AK6: variants seen among roughly 807,000 people sequenced by gnomAD.
AK6 encodes adenylate kinase 6.
AK6 carries 24 observed loss-of-function variants against 23.7 expected under a neutral mutation model. That is an observed-to-expected ratio of 1.01 (90% CI 0.73 to 1.43). The LOEUF is 1.43. Ranked by LOEUF, AK6 falls within the 40% of genes most tolerant of loss-of-function variation. The pLI is 0.00. For missense variants in AK6, 191 were observed against 199.1 expected (o/e 0.96, Z 0.24); for synonymous variants, 73 against 69.8 (o/e 1.05, Z -0.23).
At chr5:69,369,341 C>G (rs977834222) in intron 1 of AK6, 122 bp downstream of exon 1, 119 of 1,106,066 alleles carry the variant, frequency 1.1e-4, no homozygotes, top group Non-Finnish European at 1.4e-4. Context: ...ACAACCGCCT[C>G]GTGGCCCTCG....
intron 2 of AK6, among the ~76,000 whole-genome samples, chr5:69,363,011 T>A (rs1004737271): frequency 6.6e-6 from 1 of 151,576 alleles, no homozygotes; most frequent in Non-Finnish European, 1.5e-5. Flanking sequence ...AGAAGGATCA[T>A]TTGAGCCCAG....
At chr5:69,369,631 C>A (rs768535687), upstream of AK6, 1 of 1,566,744 alleles carries the variant, frequency 6.4e-7, no homozygotes, top group Non-Finnish European at 8.7e-7. Context: ...CCTGCCCCGG[C>A]GGCCCAGCCG....
chr5:69,352,484 C>G (rs549735513), intron 4 of AK6, among the ~76,000 whole-genome samples: 3 of 151,952 alleles, frequency 2.0e-5, no homozygotes, highest in Non-Finnish European at 2.9e-5. Flanking sequence ...TTCCCCCCCC[C>G]ACAATTTGTC....
chr5:69,364,833 C>T, intron 2 of AK6: 2 of 946,164 alleles, frequency 2.1e-6, no homozygotes, highest in Non-Finnish European at 3.2e-6. Flanking sequence ...TGTGTTTACT[C>T]ATTATTATTA....
At chr5:69,364,946 C>T in intron 2 of AK6, 1 of 1,607,138 alleles carries the variant, frequency 6.2e-7, no homozygotes, top group East Asian at 2.2e-5. Flanking sequence ...GGCTAGATTA[C>T]AGATTATCAT....
chr5:69,356,714 T>C (rs4976162), intron 2 of AK6, among the ~76,000 whole-genome samples: 1,909 of 152,238 alleles, frequency 0.013, 57 homozygotes, highest in East Asian at 0.11. Flanking sequence ...CCTCTGTCAC[T>C]GAGCTCACAT....
At chr5:69,368,580 G>C (rs1194579625) in intron 1 of AK6, among the ~76,000 whole-genome samples, 5 of 151,598 alleles carry the variant, frequency 3.3e-5, no homozygotes, top group African/African-American at 1.2e-4. Context: ...TGGTTAATCT[G>C]CACCTCTCAG....
intron 2 of AK6, among the ~76,000 whole-genome samples, chr5:69,360,989 T>A (rs1033090568): frequency 6.6e-6 from 1 of 152,202 alleles, no homozygotes; most frequent in Non-Finnish European, 1.5e-5. Context: ...ATGGGTATTC[T>A]GCAGTTAGGA....
chr5:69,364,691 G>C (rs1580317624), intron 2 of AK6: 1 of 571,732 alleles, frequency 1.7e-6, no homozygotes, highest in East Asian at 2.9e-5. Context: ...TCCTCTTGGT[G>C]ACAACAAGGA....
chr5:69,369,300 A>T, intron 1 of AK6, 163 bp downstream of exon 1: 1 of 297,354 alleles, frequency 3.4e-6, no homozygotes, highest in Non-Finnish European at 4.6e-6. Flanking sequence ...GCCTCCCGCA[A>T]CGCCCGCGAG....
chr5:69,362,425 C>A (rs940614376), intron 2 of AK6, among the ~76,000 whole-genome samples: 1 of 152,170 alleles, frequency 6.6e-6, no homozygotes, highest in Non-Finnish European at 1.5e-5. Context: ...AGGTTAGTTG[C>A]CCCAGAATAT....
chr5:69,363,738 T>C (rs1010890846), intron 2 of AK6, among the ~76,000 whole-genome samples: 2 of 150,920 alleles, frequency 1.3e-5, no homozygotes, highest in African/African-American at 2.4e-5. Context: ...GAGCCGAGAT[T>C]ACACCACTGC....
At chr5:69,362,982 C>T (rs544811120) in intron 2 of AK6, among the ~76,000 whole-genome samples, 1 of 152,214 alleles carries the variant, frequency 6.6e-6, no homozygotes, top group South Asian at 2.1e-4. Flanking sequence ...GCAATCCCAG[C>T]ACTTTGGGAG....
At chr5:69,359,966 G>A (rs1378974824) in intron 2 of AK6, among the ~76,000 whole-genome samples, 1 of 152,210 alleles carries the variant, frequency 6.6e-6, no homozygotes, top group African/African-American at 2.4e-5. Flanking sequence ...TTGTAAGGAA[G>A]ATAAGGAAAC....
Position 69,369,474 on chromosome 5 carries a change from A to G in AK6, c.17T>C (p.Ile6Thr). The G allele has an allele frequency of 6.2e-7, 1 of 1,610,952 alleles. No individual in the cohort carries two copies. Among genetic ancestry groups the G allele is most frequent in the African/African-American group, 1.3e-5 (1 of 74,748 alleles). MLLPN[I>T]LLTGTPGVGK... ...CCGCGCGCCCTGACCGGTGAGCAGG[A>G]TGTTCGGAAGCAACATGGTCCCCGC... The change falls in exon 1 of 5, where the codon ATC (isoleucine) becomes ACC (threonine). Residue 6 changes from isoleucine (I) to threonine (T), a missense_variant. Ile to Thr is a moderately conservative substitution (Grantham distance 89). Transcript: ENST00000380822.
At chr5:69,364,708 T>C in intron 2 of AK6, 1 of 604,932 alleles carries the variant, frequency 1.7e-6, no homozygotes. Context: ...AGGAGAAAAT[T>C]GCTTTTAAAA....
intron 2 of AK6, chr5:69,364,795 C>T: frequency 1.3e-6 from 1 of 762,944 alleles, no homozygotes; most frequent in Non-Finnish European, 2.1e-6. Flanking sequence ...GATGAAAAAC[C>T]TTCATTTCAA....
intron 2 of AK6, among the ~76,000 whole-genome samples, chr5:69,363,333 T>C (rs1762292328): frequency 6.6e-6 from 1 of 152,240 alleles, no homozygotes; most frequent in Non-Finnish European, 1.5e-5. Context: ...TTGCTCTCAA[T>C]GCTATTAATG....
upstream of AK6, chr5:69,369,723 G>A (rs751599805): frequency 1.3e-6 from 2 of 1,549,968 alleles, no homozygotes; most frequent in South Asian, 1.2e-5. Context: ...CGGTACTTCG[G>A]GTCAGGCAGT....
Sources: gnomAD v4.1 joint callset for allele counts (sites outside exome capture counted in the v4.1 genomes callset) on GRCh38, gnomAD v4.1.1 for gene constraint, MANE v1.5 for transcripts, NCBI Gene and HGNC (gene_info 2026-07-23, HGNC 2026-07-21) for gene names.